Variants in EPHB1 observed in about 807,000 individuals in gnomAD.
EPHB1 encodes the protein EPH receptor B1, also known as ephrin type-B receptor 1.
Under a neutral mutation model 94.4 loss-of-function variants are expected in EPHB1, and 30 were observed. The observed-to-expected ratio is 0.32, with a 90% CI of 0.24 to 0.43. The LOEUF is 0.43. Ranked by LOEUF, EPHB1 falls within the 20% of genes least tolerant of loss-of-function variation. EPHB1 has a pLI of 1.00. For missense variants in EPHB1, 1,055 were observed against 1,308.3 expected (o/e 0.81, Z 2.99); for synonymous variants, 522 against 489.1 (o/e 1.07, Z -0.89).
At chr3:135,138,553 T>TA (rs905179180) in intron 5 of EPHB1, among the ~76,000 whole-genome samples, 18 of 152,338 alleles carry the variant, frequency 1.2e-4, no homozygotes, top group African/African-American at 3.6e-4. Context: ...CTGCTGCCTG[T>TA]AAAAATGTGG....
chr3:134,834,298 A>G (rs1203685073), intron 1 of EPHB1, among the ~76,000 whole-genome samples: 1 of 152,200 alleles, frequency 6.6e-6, no homozygotes, highest in Non-Finnish European at 1.5e-5. Context: ...GGGAGATTTC[A>G]GGAGTGCAGC....
At chr3:135,120,722 T>C (rs554988054) in intron 4 of EPHB1, among the ~76,000 whole-genome samples, 2 of 152,348 alleles carry the variant, frequency 1.3e-5, no homozygotes, top group East Asian at 3.8e-4. Context: ...GCAGCACATG[T>C]CTCTTTTACA....
chr3:135,251,035 C>T (rs1933063955), intron 15 of EPHB1, among the ~76,000 whole-genome samples: 1 of 151,306 alleles, frequency 6.6e-6, no homozygotes, highest in South Asian at 2.1e-4. Context: ...GAGTCCAGCT[C>T]TACCTCTCTG....
At chr3:135,161,767 A>T (rs1287840741) in intron 6 of EPHB1, among the ~76,000 whole-genome samples, 3 of 152,132 alleles carry the variant, frequency 2.0e-5, no homozygotes, top group African/African-American at 7.2e-5. Flanking sequence ...CCAGTCCCTG[A>T]GCACTCAGTC....
At chr3:135,214,091 G>T (rs185177368) in intron 12 of EPHB1, among the ~76,000 whole-genome samples, 2 of 152,002 alleles carry the variant, frequency 1.3e-5, no homozygotes, top group African/African-American at 4.8e-5. Flanking sequence ...TTCCAAGCCC[G>T]CCAGTTCCTC....
intron 3 of EPHB1, among the ~76,000 whole-genome samples, chr3:134,958,419 T>A (rs879824987): frequency 0.17 from 17,156 of 101,938 alleles, 1,740 homozygotes; most frequent in African/African-American, 0.32. Flanking sequence ...AGGGAGTGTG[T>A]GTGTGTGTGT....
chr3:134,966,168 A>G (rs1199037932), intron 3 of EPHB1, among the ~76,000 whole-genome samples: 2 of 152,150 alleles, frequency 1.3e-5, no homozygotes, highest in Non-Finnish European at 2.9e-5. Context: ...CTGTCTTTGA[A>G]TGAGAATACA....
intron 5 of EPHB1, among the ~76,000 whole-genome samples, chr3:135,135,250 G>T (rs1199374683): frequency 6.6e-6 from 1 of 152,044 alleles, no homozygotes; most frequent in Non-Finnish European, 1.5e-5. Context: ...GTAGCACATG[G>T]TTATTGTAAA....
At chr3:134,899,833 C>T (rs1181857891) in intron 1 of EPHB1, among the ~76,000 whole-genome samples, 2 of 152,176 alleles carry the variant, frequency 1.3e-5, no homozygotes, top group African/African-American at 4.8e-5. Flanking sequence ...TGCTACCATG[C>T]CTGGAGGAGC....
At chr3:135,151,305 T>C (rs558143486) in intron 5 of EPHB1, among the ~76,000 whole-genome samples, 1 of 152,274 alleles carries the variant, frequency 6.6e-6, no homozygotes, top group African/African-American at 2.4e-5. Flanking sequence ...TCCTGCCCCC[T>C]GTGGACTCCT....
At chr3:135,245,233 G>T (rs952434746) in intron 13 of EPHB1, among the ~76,000 whole-genome samples, 1 of 152,148 alleles carries the variant, frequency 6.6e-6, no homozygotes, top group South Asian at 2.1e-4. Context: ...CATCACTTCG[G>T]TGTCATTTAA....
intron 1 of EPHB1, among the ~76,000 whole-genome samples, chr3:134,875,455 A>G (rs1002699919): frequency 2.6e-5 from 4 of 152,128 alleles, no homozygotes; most frequent in Non-Finnish European, 5.9e-5. Flanking sequence ...AGGAGCACTT[A>G]TGGAACTGCA....
At chr3:135,126,837 T>C (rs914916509) in intron 4 of EPHB1, among the ~76,000 whole-genome samples, 3 of 152,194 alleles carry the variant, frequency 2.0e-5, no homozygotes, top group Admixed American at 1.3e-4. Flanking sequence ...TTCCCCAACA[T>C]AGGTTCCATG....
At chr3:134,795,924 C>T (rs2108280391) in intron 1 of EPHB1, among the ~76,000 whole-genome samples, 1 of 152,334 alleles carries the variant, frequency 6.6e-6, no homozygotes, top group East Asian at 1.9e-4. Flanking sequence ...CCCCCGGCTT[C>T]CTCGCCCCGG....
chr3:135,104,139 C>T (rs535656952), intron 3 of EPHB1, among the ~76,000 whole-genome samples: 6 of 152,300 alleles, frequency 3.9e-5, no homozygotes, highest in South Asian at 2.1e-4. Flanking sequence ...GAGCTCCTGC[C>T]GAGTCCAGGC....
intron 12 of EPHB1, among the ~76,000 whole-genome samples, chr3:135,224,862 A>G (rs1265932846): frequency 6.6e-6 from 1 of 152,088 alleles, no homozygotes; most frequent in Non-Finnish European, 1.5e-5. Flanking sequence ...ATTCTCTTTG[A>G]TTTTTACCTG....
intron 3 of EPHB1, among the ~76,000 whole-genome samples, chr3:134,952,367 T>TCACACA (rs1559769329): frequency 2.6e-5 from 3 of 115,568 alleles, no homozygotes; most frequent in African/African-American, 1.3e-4. Context: ...TCTCTCTCTC[T>TCACACA]CTCTCACACA....
chr3:134,961,135 C>T (rs1933502462), intron 3 of EPHB1, among the ~76,000 whole-genome samples: 1 of 152,160 alleles, frequency 6.6e-6, no homozygotes, highest in Non-Finnish European at 1.5e-5. Flanking sequence ...TGGTACTGGG[C>T]CCTGTATGCT....
At chr3:135,165,924 C>T in intron 7 of EPHB1, 44 bp from the exon 8 acceptor site, 1 of 1,459,612 alleles carries the variant, frequency 6.9e-7, no homozygotes, top group Non-Finnish European at 9.6e-7. Flanking sequence ...CAGCTGTATG[C>T]AAAAGGCACA....
Sources: gnomAD v4.1 joint callset for allele counts (sites outside exome capture counted in the v4.1 genomes callset) on GRCh38, gnomAD v4.1.1 for gene constraint, MANE v1.5 for transcripts, NCBI Gene and HGNC (gene_info 2026-07-23, HGNC 2026-07-21) for gene names.